ABCG8: variants seen among roughly 807,000 people sequenced by gnomAD.
ABCG8 encodes the protein ATP binding cassette subfamily G member 8.
A neutral mutation model predicts 71.3 loss-of-function variants in ABCG8; 81 were observed. That is an observed-to-expected ratio of 1.14 (90% CI 0.95 to 1.37). The LOEUF is 1.37. Among genes scored for constraint, ABCG8 ranks in the 40% most tolerant of loss-of-function variants. The probability of loss-of-function intolerance (pLI) is 0.00; values close to 1 mark genes in which losing one functional copy is unlikely to be tolerated. For synonymous variants in ABCG8, 451 were observed against 354.7 expected (o/e 1.27, Z -3.05); for missense variants, 1,119 against 866.2 (o/e 1.29, Z -3.66).
At chr2:43,846,337 A>G in intron 3 of ABCG8, 26 bp downstream of exon 3, 1 of 1,614,000 alleles carries the variant, frequency 6.2e-7, no homozygotes, top group East Asian at 2.2e-5. Context: ...ATCGCTGGGC[A>G]ATGGTTTCTC....
rs550830352 is a variant in ABCG8 at position 43,867,611 on chromosome 2, C to T, written c.965-4365C>T. The stretch of plus-strand genomic sequence containing the variant: ...GAGCTCTCACTGTCTGGATAGAATT[C>T]TCAATCTCTGCATAGAACTCTCACT... On this transcript the variant is annotated intron_variant, in intron 6 of 12. Transcript: ENST00000272286. Among the ~76,000 whole-genome samples the T allele has an allele frequency of 3.2e-4, 48 of 151,950 alleles. 1 individual carries two copies. The highest frequency in any genetic ancestry group is 1.2e-3 in the African/African-American group (48 of 41,354).
intron 2 of ABCG8, among the ~76,000 whole-genome samples, chr2:43,845,928 T>A (rs1392867253): frequency 1.3e-5 from 2 of 152,324 alleles, no homozygotes; most frequent in Admixed American, 6.5e-5. Flanking sequence ...GGCCTGTACA[T>A]GCTTTTCATT....
At chr2:43,849,655 G>A (rs776701427) in intron 3 of ABCG8, among the ~76,000 whole-genome samples, 13 of 152,172 alleles carry the variant, frequency 8.5e-5, no homozygotes, top group African/African-American at 1.4e-4. Context: ...CTCAGAAAAC[G>A]TGGCCTTCCT....
chr2:43,868,885 A>G (rs928087739), intron 6 of ABCG8, among the ~76,000 whole-genome samples: 2 of 151,360 alleles, frequency 1.3e-5, no homozygotes, highest in African/African-American at 4.9e-5. Context: ...CCTCCTCTGG[A>G]TAGAGCTCTC....
chr2:43,857,647 A>C (rs900808099), intron 6 of ABCG8, among the ~76,000 whole-genome samples: 3 of 150,984 alleles, frequency 2.0e-5, no homozygotes, highest in African/African-American at 7.3e-5. Flanking sequence ...CTCTCAATAA[A>C]TGGTAGAATT....
At chr2:43,846,440 C>T (rs1668746036) in intron 3 of ABCG8, 129 bp downstream of exon 3, 3 of 1,376,352 alleles carry the variant, frequency 2.2e-6, no homozygotes, top group Non-Finnish European at 3.0e-6. Context: ...TGGCTGAGAA[C>T]ACAGGTTCTG....
At chr2:43,876,156 C>T (rs1378325332) in intron 11 of ABCG8, among the ~76,000 whole-genome samples, 2 of 152,200 alleles carry the variant, frequency 1.3e-5, no homozygotes, top group Admixed American at 6.5e-5. Flanking sequence ...AAGCTGAGCA[C>T]GTGCAGGGAT....
intron 6 of ABCG8, among the ~76,000 whole-genome samples, chr2:43,857,540 C>A (rs1475612107): frequency 3.3e-5 from 5 of 151,252 alleles, no homozygotes; most frequent in Non-Finnish European, 7.4e-5. Flanking sequence ...GAATTCTCAA[C>A]ATCTGGATAG....
chr2:43,865,068 C>T (rs576570965), intron 6 of ABCG8, among the ~76,000 whole-genome samples: 2 of 152,004 alleles, frequency 1.3e-5, no homozygotes, highest in African/African-American at 4.8e-5. Context: ...AGAACTCCCA[C>T]TATCTGTCTG....
Position 43,875,367 on chromosome 2 carries a change from C to G in ABCG8, c.1710C>G (p.Phe570Leu), listed in dbSNP as rs1175773666. 6.2e-7 allele frequency: 1 copy of G among 1,614,182 alleles called. No individual in the cohort carries two copies. The highest frequency in any genetic ancestry group is 8.5e-7 in the Non-Finnish European group (1 of 1,180,048). The change falls in exon 11 of 13, where the codon TTC (phenylalanine) becomes TTG (leucine). Residue 570 changes from phenylalanine to leucine, a missense_variant. By Grantham distance (22) the Phe-to-Leu change is conservative. Coordinates refer to ENST00000272286, the MANE Select transcript of ABCG8 (RefSeq NM_022437.3). The stretch of plus-strand genomic sequence containing the variant: ...TCAGCAATGCCCTCTACAACTCCTT[C>G]TACCTCGCCGGGGGCTTCATGATAA... Reference protein sequence around the residue: ...SFFSNALYNSFYLAGGFMINL... With the variant: ...SFFSNALYNSLYLAGGFMINL...
intron 6 of ABCG8, among the ~76,000 whole-genome samples, chr2:43,870,808 A>G (rs993591918): frequency 6.6e-6 from 1 of 151,836 alleles, no homozygotes; most frequent in African/African-American, 2.4e-5. Context: ...CACTATCTAG[A>G]TAGAATTCTC....
At chr2:43,866,555 C>T (rs1023715929) in intron 6 of ABCG8, among the ~76,000 whole-genome samples, 6 of 152,060 alleles carry the variant, frequency 3.9e-5, no homozygotes, top group African/African-American at 1.5e-4. Context: ...AGACACTTCT[C>T]AAAAGAAGAC....
chr2:43,850,070 G>A (rs1312959845), intron 3 of ABCG8, among the ~76,000 whole-genome samples: 1 of 151,994 alleles, frequency 6.6e-6, no homozygotes, highest in Non-Finnish European at 1.5e-5. Flanking sequence ...TGTGGTGGCG[G>A]GTGTGGTGGC....
chr2:43,864,540 C>A (rs1286688654), intron 6 of ABCG8, among the ~76,000 whole-genome samples: 2 of 151,704 alleles, frequency 1.3e-5, no homozygotes, highest in African/African-American at 4.8e-5. Flanking sequence ...GGGTAGAATT[C>A]TCTCCATCTG....
chr2:43,845,098 GTA>G (rs5830773), intron 2 of ABCG8, among the ~76,000 whole-genome samples: 35,151 of 129,846 alleles, frequency 0.27, 4,615 homozygotes, highest in African/African-American at 0.34. Flanking sequence ...GTGTGTGTGT[GTA>G]TATATATATA....
At chr2:43,866,582 A>G (rs1429726083) in intron 6 of ABCG8, among the ~76,000 whole-genome samples, 1 of 152,170 alleles carries the variant, frequency 6.6e-6, no homozygotes, top group East Asian at 1.9e-4. Context: ...GCAGCCAAAA[A>G]ACACATGAAA....
chr2:43,873,663 G>C (rs935519699), intron 8 of ABCG8, 124 bp from the exon 9 acceptor site: 11 of 915,530 alleles, frequency 1.2e-5, no homozygotes, highest in Admixed American at 1.7e-5. Flanking sequence ...CACTCTATGA[G>C]GCAGGTATTA....
At chr2:43,871,183 C>T (rs796178753) in intron 6 of ABCG8, among the ~76,000 whole-genome samples, 2 of 137,552 alleles carry the variant, frequency 1.5e-5, no homozygotes, top group African/African-American at 2.8e-5. Flanking sequence ...TAGAACTCTC[C>T]CCATCTGGAT....
At position 43,878,357 on chromosome 2, in the gene ABCG8, A is replaced by G. The variant is rs1417242308; in HGVS notation, c.*444A>G. 2 of 289,248 alleles carry G rather than the reference A, an allele frequency of 6.9e-6. No individual in the cohort carries two copies. Among genetic ancestry groups the G allele is most frequent in the African/African-American group, 4.3e-5 (2 of 46,136 alleles). 17.9% of individuals were successfully genotyped at this position (289,248 alleles called of 1,614,324 possible). On this transcript the variant is annotated 3_prime_UTR_variant, in exon 13 of 13. Coordinates refer to ENST00000272286, the MANE Select transcript of ABCG8 (RefSeq NM_022437.3). ...CCACACTCCGTGGTGAGCCACCATC[A>G]ATACAGAAAGTGACCTAAGATGTAC...
Sources: gnomAD v4.1 joint callset for allele counts (sites outside exome capture counted in the v4.1 genomes callset) on GRCh38, gnomAD v4.1.1 for gene constraint, MANE v1.5 for transcripts, NCBI Gene and HGNC (gene_info 2026-07-23, HGNC 2026-07-21) for gene names.